The following ACOXL variants were observed in gnomAD, a reference collection of about 807,000 sequenced individuals.
The protein encoded by ACOXL is acyl-coenzyme A oxidase-like protein.
Under a neutral mutation model 71.9 loss-of-function variants are expected in ACOXL, and 70 were observed. The ratio of observed to expected loss-of-function variants is 0.97; its 90% CI spans 0.80 to 1.19. The LOEUF (loss-of-function observed/expected upper bound fraction) is 1.19. ACOXL is among the 50% of genes most tolerant of loss of function. The pLI, the probability that ACOXL is intolerant of heterozygous loss-of-function variation, is 0.00. For missense variants in ACOXL, 703 were observed against 736.3 expected (o/e 0.95, Z 0.52); for synonymous variants, 253 against 281.6 (o/e 0.90, Z 1.02).
At chr2:111,096,115 C>A (rs2068785026) in intron 17 of ACOXL, among the ~76,000 whole-genome samples, 1 of 152,198 alleles carries the variant, frequency 6.6e-6, no homozygotes, top group Admixed American at 6.5e-5. Context: ...CAGGTGTTTT[C>A]ACATGATAGC....
At chr2:110,826,995 G>A (rs757553669) in intron 9 of ACOXL, among the ~76,000 whole-genome samples, 2 of 152,120 alleles carry the variant, frequency 1.3e-5, no homozygotes, top group Admixed American at 6.5e-5. Flanking sequence ...GGGCTTTGGC[G>A]ATGGCTGTTC....
At chr2:110,939,142 T>G (rs1026435079) in intron 12 of ACOXL, among the ~76,000 whole-genome samples, 1 of 152,250 alleles carries the variant, frequency 6.6e-6, no homozygotes, top group Non-Finnish European at 1.5e-5. Context: ...GAAATCTTTT[T>G]CCTCTCAACT....
At chr2:110,919,305 A>G (rs896347870) in intron 11 of ACOXL, among the ~76,000 whole-genome samples, 1 of 151,994 alleles carries the variant, frequency 6.6e-6, no homozygotes, top group Non-Finnish European at 1.5e-5. Context: ...CTAACACAGG[A>G]ACAGAAAACC....
At chr2:110,793,573 G>A (rs1684915531) in intron 3 of ACOXL, 77 bp from the exon 4 acceptor site, 2 of 1,342,712 alleles carry the variant, frequency 1.5e-6, no homozygotes, top group Non-Finnish European at 2.1e-6. Context: ...CTCCCTGATT[G>A]GAGTTTGGCC....
At chr2:110,958,684 T>A (rs1375622036) in intron 12 of ACOXL, among the ~76,000 whole-genome samples, 3 of 152,278 alleles carry the variant, frequency 2.0e-5, no homozygotes, top group Non-Finnish European at 4.4e-5. Context: ...GGAAGGAAAA[T>A]GCCCCGTGGC....
chr2:110,820,052 G>A (rs1428594387), intron 9 of ACOXL, among the ~76,000 whole-genome samples: 1 of 152,094 alleles, frequency 6.6e-6, no homozygotes, highest in Non-Finnish European at 1.5e-5. Context: ...TGACACTCAG[G>A]GGCTCCTCCA....
At chr2:110,936,872 G>A (rs2060683878) in intron 12 of ACOXL, among the ~76,000 whole-genome samples, 1 of 149,832 alleles carries the variant, frequency 6.7e-6, no homozygotes, top group Admixed American at 6.7e-5. Context: ...TTTTGAGATG[G>A]AGTCTTGCTG....
At chr2:110,969,810 C>CAA (rs34713605) in intron 12 of ACOXL, among the ~76,000 whole-genome samples, 70 of 140,988 alleles carry the variant, frequency 5.0e-4, no homozygotes, top group Middle Eastern at 7.1e-3. Context: ...GACTTTGTCT[C>CAA]AAAAAAAAAG....
At chr2:110,882,834 T>C (rs1255038684) in intron 10 of ACOXL, among the ~76,000 whole-genome samples, 3 of 152,228 alleles carry the variant, frequency 2.0e-5, no homozygotes, top group African/African-American at 4.8e-5. Flanking sequence ...TAGGTCAATT[T>C]TGATAGTGCA....
intron 15 of ACOXL, among the ~76,000 whole-genome samples, chr2:111,038,196 G>C (rs2065614705): frequency 6.6e-6 from 1 of 152,166 alleles, no homozygotes; most frequent in Non-Finnish European, 1.5e-5. Context: ...GGAAACCGAG[G>C]CACAGAGAGG....
intron 1 of ACOXL, among the ~76,000 whole-genome samples, chr2:110,753,322 A>G (rs1679249992): frequency 6.6e-6 from 1 of 152,146 alleles, no homozygotes. Flanking sequence ...AACCTCTTTT[A>G]TTTATAAATT....
At chr2:110,970,345 C>T (rs1292098337) in intron 12 of ACOXL, among the ~76,000 whole-genome samples, 1 of 152,162 alleles carries the variant, frequency 6.6e-6, no homozygotes, top group Non-Finnish European at 1.5e-5. Context: ...ATTCAAAAAT[C>T]AATCAAATGC....
intron 1 of ACOXL, among the ~76,000 whole-genome samples, chr2:110,751,441 ATCTC>A (rs1354856277): frequency 6.6e-6 from 1 of 152,056 alleles, no homozygotes; most frequent in East Asian, 1.9e-4. Flanking sequence ...CCATCTATTG[ATCTC>A]TCTATTCACC....
intron 14 of ACOXL, among the ~76,000 whole-genome samples, chr2:111,011,662 C>T (rs944555065): frequency 2.0e-5 from 3 of 152,126 alleles, no homozygotes; most frequent in African/African-American, 2.4e-5. Flanking sequence ...GTGGGCAGAT[C>T]GCTTGAGCCC....
chr2:110,796,452 C>G (rs940272587), intron 5 of ACOXL, among the ~76,000 whole-genome samples: 10 of 152,076 alleles, frequency 6.6e-5, no homozygotes, highest in African/African-American at 1.9e-4. Flanking sequence ...GCTTTAATGC[C>G]CGAGTTTGGG....
chr2:110,802,605 C>T (rs1238250511), intron 8 of ACOXL, among the ~76,000 whole-genome samples: 2 of 151,982 alleles, frequency 1.3e-5, no homozygotes, highest in African/African-American at 2.4e-5. Flanking sequence ...TATGACAAAC[C>T]CCCATGACAC....
chr2:110,759,420 C>T (rs1680099080), intron 1 of ACOXL, among the ~76,000 whole-genome samples: 1 of 152,152 alleles, frequency 6.6e-6, no homozygotes. Context: ...GAACACTTTA[C>T]TGTTATGTAA....
At chr2:110,875,245 G>A (rs1695763990) in intron 10 of ACOXL, among the ~76,000 whole-genome samples, 1 of 152,190 alleles carries the variant, frequency 6.6e-6, no homozygotes, top group Non-Finnish European at 1.5e-5. Context: ...TGCCACCTTT[G>A]AGAATATTTT....
At chr2:110,753,657 A>G (rs1679296632) in intron 1 of ACOXL, among the ~76,000 whole-genome samples, 1 of 152,242 alleles carries the variant, frequency 6.6e-6, no homozygotes. Flanking sequence ...TGGAGCTATT[A>G]TGAATAAAGC....
Sources: allele counts gnomAD v4.1 joint callset (sites outside exome capture counted in the v4.1 genomes callset), GRCh38; gene constraint gnomAD v4.1.1; transcripts MANE v1.5; gene names NCBI Gene and HGNC (gene_info 2026-07-23, HGNC 2026-07-21).